Variants in ISOC1 observed in about 807,000 individuals in gnomAD.
ISOC1 encodes isochorismatase domain-containing protein 1.
A neutral mutation model predicts 30.0 loss-of-function variants in ISOC1; 33 were observed. That is an observed-to-expected ratio of 1.10 (90% CI 0.83 to 1.47). The LOEUF is 1.47. ISOC1 is among the 40% of genes most tolerant of loss of function. The probability of loss-of-function intolerance (pLI) is 0.00; values close to 1 mark genes in which losing one functional copy is unlikely to be tolerated. For synonymous variants in ISOC1, 178 were observed against 159.8 expected, an observed-to-expected ratio of 1.11 and a Z score of -0.86; for missense variants, 372 against 388.0, an observed-to-expected ratio of 0.96 and a Z score of 0.35.
At chr5:129,095,611 T>G (rs1389418622) in intron 1 of ISOC1, among the ~76,000 whole-genome samples, 1 of 152,226 alleles carries the variant, frequency 6.6e-6, no homozygotes, top group Non-Finnish European at 1.5e-5. Flanking sequence ...AAGAGTTCCC[T>G]AACCTTAAGC....
rs776716109 is a variant in ISOC1, at chr5:129,107,001, T to C, written c.689T>C (p.Val230Ala). 6 of 1,613,710 alleles carry C rather than the reference T, an allele frequency of 3.7e-6. No individual in the cohort carries two copies. Among genetic ancestry groups the C allele is most frequent in the South Asian group, 1.1e-5 (1 of 91,076 alleles). Reference protein sequence around the residue: ...ALELVGRGVEVHIVADATSSR... With the variant: ...ALELVGRGVEAHIVADATSSR... ...GAGCTAGTTGGCCGAGGAGTCGAGG[T>C]TCACATTGTTGCTGATGCCACCTCA... The change falls in exon 4 of 5, where the codon GTT becomes GCT. Residue 230 changes from valine to alanine, a missense_variant. Transcript: ENST00000173527.
chr5:129,105,303 C>T lies in ISOC1; in HGVS notation c.548C>T (p.Thr183Ile). ...LTGVKLVLPKTKFSMVLPEVE... is the reference protein window; with the variant it reads ...LTGVKLVLPKIKFSMVLPEVE... ...GGTGTAAAACTGGTACTTCCAAAGA[C>T]CAAGTTTTCAATGGTATTACCAGAA... The change falls in exon 3 of 5, where the codon ACC (threonine) becomes ATC (isoleucine). Residue 183 changes from threonine to isoleucine, a missense_variant. Thr to Ile is a moderately conservative substitution (Grantham distance 89). Coordinates refer to ENST00000173527, the MANE Select transcript of ISOC1 (RefSeq NM_016048.2). 5 of 1,613,726 alleles carry T rather than the reference C, an allele frequency of 3.1e-6. No individual in the cohort carries two copies. Among genetic ancestry groups the T allele is most frequent in the Non-Finnish European group, 4.2e-6 (5 of 1,179,814 alleles).
In ISOC1 at chr5:129,105,111, A is replaced by G. The variant is rs186351847; in HGVS notation, c.429+36A>G. The G allele has an allele frequency of 1.9e-6, 3 of 1,613,466 alleles. No homozygotes were observed. In the African/African-American group the frequency reaches 4.0e-5, roughly 22 times the overall value. On this transcript the variant is annotated intron_variant, in intron 2 of 4. Transcript: ENST00000173527. Reference sequence around the variant, plus strand: ...TTACTTATTTGGTCATATTTGCTGAATCATCATATACACTCATATATACAC... The same window carrying G: ...TTACTTATTTGGTCATATTTGCTGAGTCATCATATACACTCATATATACAC...
chr5:129,096,878 A>G (rs761018383), intron 1 of ISOC1, among the ~76,000 whole-genome samples: 17 of 152,138 alleles, frequency 1.1e-4, no homozygotes, highest in Non-Finnish European at 2.2e-4. Flanking sequence ...CCCGCCTTCC[A>G]AGATAGGATT....
intron 1 of ISOC1, among the ~76,000 whole-genome samples, chr5:129,101,474 G>T (rs140316083): frequency 0.032 from 4,888 of 151,962 alleles, 139 homozygotes; most frequent in African/African-American, 0.074. Flanking sequence ...CAGCCTGGGC[G>T]ACAGAGTGAG....
chr5:129,104,818 CT>C (rs35005359), intron 1 of ISOC1, 137 bp from the exon 2 acceptor site: 16 of 743,162 alleles, frequency 2.2e-5, no homozygotes, highest in Admixed American at 3.4e-5. Flanking sequence ...AATTCAGATA[CT>C]TTTTTTGGAT....
At chr5:129,106,907 AT>A in intron 3 of ISOC1, 38 bp from the exon 4 acceptor site, 1 of 1,401,128 alleles carries the variant, frequency 7.1e-7, no homozygotes, top group Non-Finnish European at 1.0e-6. Context: ...CTTTTAGTTT[AT>A]TATGTTATTA....
At chr5:129,098,396 G>A (rs1371135833) in intron 1 of ISOC1, among the ~76,000 whole-genome samples, 1 of 152,194 alleles carries the variant, frequency 6.6e-6, no homozygotes, top group South Asian at 2.1e-4. Context: ...AAATGCTTGA[G>A]ATCTGATGAA....
At position 129,104,853 on chromosome 5, in the gene ISOC1, T is replaced by C. The variant is rs1049777447; in HGVS notation, c.310-103T>C. The C allele has an allele frequency of 4.4e-6, 5 of 1,126,382 alleles. No individual in the cohort carries two copies. The African/African-American group carries it at 7.8e-5, about 18-fold the overall frequency. The allele number at this position is 1,126,382 out of a possible 1,614,324, so 69.8% of individuals were successfully genotyped here. ...ATAATAGCGGTAGAAATTGACTTAC[T>C]GGCTCAAACAATAGGACCATTTTTC... On this transcript the variant is annotated intron_variant, in intron 1 of 4. Transcript: ENST00000173527.
In ISOC1 at chr5:129,113,367, C is replaced by G. The variant is rs1580791668; in HGVS notation, c.*366C>G. 2 of 161,614 alleles carry G rather than the reference C, an allele frequency of 1.2e-5. No individual in the cohort carries two copies. Among genetic ancestry groups the G allele is most frequent in the African/African-American group, 4.8e-5 (2 of 41,746 alleles). The allele number at this position is 161,614 out of a possible 1,614,324, so 10.0% of individuals were successfully genotyped here. ...CACTTTAAAGAAAATGACGTACCAA[C>G]AATGATTTGGCTTTTATATTACTGT... On this transcript the variant is annotated 3_prime_UTR_variant, in exon 5 of 5. Coordinates refer to ENST00000173527, the MANE Select transcript of ISOC1 (RefSeq NM_016048.2).
At chr5:129,105,122 C>T (rs771423026) in intron 2 of ISOC1, 47 bp downstream of exon 2, 6 of 1,611,612 alleles carry the variant, frequency 3.7e-6, no homozygotes, top group Admixed American at 1.7e-5. Flanking sequence ...TCATCATATA[C>T]ACTCATATAT....
chr5:129,107,235 T>G (rs927727749), intron 4 of ISOC1, among the ~76,000 whole-genome samples, 173 bp downstream of exon 4: 1 of 152,220 alleles, frequency 6.6e-6, no homozygotes, highest in East Asian at 1.9e-4. Flanking sequence ...TTCACCACCA[T>G]ATCCTATTTT....
chr5:129,107,939 A>C (rs1753658652), intron 4 of ISOC1, among the ~76,000 whole-genome samples: 1 of 152,210 alleles, frequency 6.6e-6, no homozygotes, highest in Non-Finnish European at 1.5e-5. Context: ...AGACTGTTAA[A>C]AAGCAAACTA....
intron 3 of ISOC1, among the ~76,000 whole-genome samples, chr5:129,106,136 G>A (rs567267073): frequency 2.6e-5 from 4 of 152,264 alleles, no homozygotes; most frequent in Non-Finnish European, 5.9e-5. Context: ...AAGTGCTGTT[G>A]CTGGCTTTGC....
intron 2 of ISOC1, 51 bp from the exon 3 acceptor site, chr5:129,105,134 C>G (rs770698360): frequency 6.2e-7 from 1 of 1,603,498 alleles, no homozygotes; most frequent in East Asian, 2.2e-5. Flanking sequence ...CTCATATATA[C>G]ACATATATGT....
Position 129,105,263 on chromosome 5 carries a change from G to A in ISOC1, c.508G>A (p.Glu170Lys). The stretch of plus-strand genomic sequence containing the variant: ...TAAAGGTCTTGGGAGCACGGTTCAA[G>A]AAATTGATTTAACAGGTGTAAAACT... ...YPKGLGSTVQ[E>K]IDLTGVKLVL... Residue 170 changes from glutamate to lysine, a missense_variant, in exon 3 of 5, where the codon GAA becomes AAA. Glu to Lys is a moderately conservative substitution (Grantham distance 56). Coordinates refer to ENST00000173527, the MANE Select transcript of ISOC1 (RefSeq NM_016048.2). 1.2e-6 allele frequency: 2 copies of A among 1,613,850 alleles called. No individual in the cohort carries two copies. The highest frequency in any genetic ancestry group is 1.7e-6 in the Non-Finnish European group (2 of 1,179,854).
intron 1 of ISOC1, among the ~76,000 whole-genome samples, chr5:129,099,936 A>G (rs956382126): frequency 6.6e-6 from 1 of 152,220 alleles, no homozygotes; most frequent in African/African-American, 2.4e-5. Flanking sequence ...GAAATTAGTG[A>G]AATTGAGATT....
chr5:129,105,625 G>T (rs1753628151), intron 3 of ISOC1, among the ~76,000 whole-genome samples: 1 of 152,066 alleles, frequency 6.6e-6, no homozygotes, highest in South Asian at 2.1e-4. Flanking sequence ...ATATTAAAGA[G>T]GATACTAAAA....
chr5:129,111,055 TTTATTA>T (rs1455766309), intron 4 of ISOC1, among the ~76,000 whole-genome samples: 1 of 152,146 alleles, frequency 6.6e-6, no homozygotes, highest in Non-Finnish European at 1.5e-5. Flanking sequence ...GCTTATCATA[TTTATTA>T]TCTGCCTTTC....
Sources: gnomAD v4.1 joint callset for allele counts (sites outside exome capture counted in the v4.1 genomes callset) on GRCh38, gnomAD v4.1.1 for gene constraint, MANE v1.5 for transcripts, NCBI Gene and HGNC (gene_info 2026-07-23, HGNC 2026-07-21) for gene names.